The following PLCD1 variants were observed in gnomAD, a reference collection of about 807,000 sequenced individuals.
The protein encoded by PLCD1 is phospholipase C delta 1, also known as 1-phosphatidylinositol 4,5-bisphosphate phosphodiesterase delta-1.
PLCD1 carries 71 observed loss-of-function variants against 87.4 expected under a neutral mutation model. That is an observed-to-expected ratio of 0.81 (90% CI 0.67 to 0.99). The LOEUF is 0.99. PLCD1 is among the 50% of genes least tolerant of loss of function. PLCD1 has a pLI of 0.00. For missense variants in PLCD1, 867 were observed against 1,001.5 expected, an observed-to-expected ratio of 0.87 and a Z score of 1.81; for synonymous variants, 348 against 399.2, an observed-to-expected ratio of 0.87 and a Z score of 1.53.
In PLCD1 at chr3:38,009,794, G is replaced by C; in HGVS notation, c.1305C>G (p.Ile435Met). The C allele has an allele frequency of 6.2e-7, 1 of 1,613,978 alleles. No homozygotes were observed. Among genetic ancestry groups the C allele is most frequent in the South Asian group, 1.1e-5 (1 of 91,082 alleles). ...LPSPEQLKGK[I>M]LLKGKKLGGL... ...CCCCGAGCTTCTTCCCCTTCAGCAG[G>C]ATCTTCCCCTTCAGTTGCTAGGTGG... Residue 435 changes from isoleucine (I) to methionine (M), a missense_variant, in exon 9 of 15, where the codon ATC becomes ATG. Physicochemically the swap from Ile to Met is conservative, Grantham distance 10. Coordinates refer to ENST00000334661, the MANE Select transcript of PLCD1 (RefSeq NM_006225.4).
At chr3:38,009,487 T>C (rs1202295471) in intron 9 of PLCD1, 56 bp from the exon 10 acceptor site, 6 of 1,601,340 alleles carry the variant, frequency 3.7e-6, no homozygotes, top group Middle Eastern at 1.7e-4. Flanking sequence ...GGGTAGGCAC[T>C]GAGAAAGCCA....
At chr3:38,014,531 A>G (rs1267269855) in intron 3 of PLCD1, 1 of 153,770 alleles carries the variant, frequency 6.5e-6, no homozygotes, top group African/African-American at 2.4e-5. Flanking sequence ...ACACTTCATC[A>G]AAACCAAAAA....
rs1037035579 is a variant in PLCD1, at chr3:38,012,715, G to C, written c.429-1042C>G. 4.0e-5 allele frequency among the ~76,000 whole-genome samples: 6 copies of C among 151,832 alleles called. No homozygotes were observed. In the East Asian group the frequency reaches 1.2e-3, roughly 29 times the overall value. On this transcript the variant is annotated intron_variant, in intron 3 of 14. Transcript: ENST00000334661. The stretch of plus-strand genomic sequence containing the variant: ...TATTTTTAGTTGAGACGGGGTTTCA[G>C]CATGTTGGCTATGCTGGTCTTGAAC...
chr3:38,027,288 T>C (rs1700319915), intron 1 of PLCD1, among the ~76,000 whole-genome samples: 2 of 152,152 alleles, frequency 1.3e-5, no homozygotes, highest in Admixed American at 1.3e-4. Flanking sequence ...TCATAGGGCA[T>C]AGAAATTTGG....
intron 2 of PLCD1, 35 bp from the exon 3 acceptor site, chr3:38,016,754 G>A (rs1022232208): frequency 8.3e-6 from 12 of 1,441,962 alleles, no homozygotes; most frequent in Non-Finnish European, 1.1e-5. Flanking sequence ...GAGAGGGAGA[G>A]AATGCTGTGA....
At chr3:38,013,208 CTTT>C (rs869279889) in intron 3 of PLCD1, among the ~76,000 whole-genome samples, 11 of 118,496 alleles carry the variant, frequency 9.3e-5, no homozygotes, top group Non-Finnish European at 1.4e-4. Flanking sequence ...TTTTAATTTT[CTTT>C]TTTTTTTTTT....
rs1317751187 is a variant in PLCD1, at chr3:38,024,655, T to C, written c.35-4303A>G. ...GAGAGGGAAATCTGGGCTGAGGGGG[T>C]AGTCAGACGCTAGGAGGCGGAGCTA... On this transcript the variant is annotated intron_variant, in intron 1 of 14. Coordinates refer to ENST00000334661, the MANE Select transcript of PLCD1 (RefSeq NM_006225.4). The C allele has an allele frequency of 3.3e-6, 5 of 1,512,120 alleles. No homozygotes were observed. In the African/African-American group the frequency reaches 5.6e-5, roughly 17 times the overall value. The allele number at this position is 1,512,120 out of a possible 1,614,324, so 93.7% of individuals were successfully genotyped here.
chr3:38,008,429 G>A lies in PLCD1; in HGVS notation c.1902+29C>T, dbSNP rs368331082. ...TGGTAGCGGGGAAGGGAGGTCCGTGGGCACCTGTCCCTCCTAGGTCCAGCG... is the reference window on the plus strand; with the variant it reads ...TGGTAGCGGGGAAGGGAGGTCCGTGAGCACCTGTCCCTCCTAGGTCCAGCG... On this transcript the variant is annotated intron_variant, in intron 12 of 14. Coordinates refer to ENST00000334661, the MANE Select transcript of PLCD1 (RefSeq NM_006225.4). 10 of 1,613,954 alleles carry A rather than the reference G, an allele frequency of 6.2e-6. No individual in the cohort carries two copies. In the African/African-American group the frequency reaches 1.2e-4, roughly 19 times the overall value.
Position 38,009,041 on chromosome 3 carries a change from C to T in PLCD1, c.1723+1G>A, listed in dbSNP as rs4679014. On this transcript the variant is annotated splice_donor_variant, in intron 11 of 14. Coordinates refer to ENST00000334661, the MANE Select transcript of PLCD1 (RefSeq NM_006225.4). LOFTEE classifies it high-confidence loss of function. ...CTCCTCCAGCCCCAGCCAGCCCATACCGATCTGGCAGCCCCCATTCCACAT... is the reference window on the plus strand; with the variant it reads ...CTCCTCCAGCCCCAGCCAGCCCATATCGATCTGGCAGCCCCCATTCCACAT... 7 of 1,608,196 alleles carry T rather than the reference C, an allele frequency of 4.4e-6. No homozygotes were observed. The highest frequency in any genetic ancestry group is 5.1e-6 in the Non-Finnish European group (6 of 1,175,792).
intron 1 of PLCD1, chr3:38,024,187 A>C (rs878938738): frequency 4.4e-6 from 3 of 687,282 alleles, no homozygotes; most frequent in South Asian, 3.7e-5. Context: ...ACACTGCCCC[A>C]CAGTGGGCCA....
chr3:38,011,689 G>A lies in PLCD1; in HGVS notation c.429-16C>T. 1 of 1,614,060 alleles carries A rather than the reference G, an allele frequency of 6.2e-7. No individual in the cohort carries two copies. Among genetic ancestry groups the A allele is most frequent in the Non-Finnish European group, 8.5e-7 (1 of 1,179,968 alleles). ...GTGAATCCAGCTGGGCAAGAAGTAA[G>A]GAAAGAACCCAGGAACCCTGGAACC... On this transcript the variant is annotated splice_polypyrimidine_tract_variant and intron_variant, in intron 3 of 14. Transcript: ENST00000334661.
chr3:38,012,947 A>C (rs527382083), intron 3 of PLCD1, among the ~76,000 whole-genome samples: 99 of 152,280 alleles, frequency 6.5e-4, no homozygotes, highest in African/African-American at 2.3e-3. Flanking sequence ...TCTGTTGCCC[A>C]GGCTTGAGTG....
intron 3 of PLCD1, among the ~76,000 whole-genome samples, chr3:38,013,794 T>C (rs986605683): frequency 6.6e-6 from 1 of 152,212 alleles, no homozygotes; most frequent in African/African-American, 2.4e-5. Flanking sequence ...TGCCATAGAA[T>C]TGGGCTTTTT....
At chr3:38,015,487 A>G (rs957752566) in intron 3 of PLCD1, among the ~76,000 whole-genome samples, 1 of 152,214 alleles carries the variant, frequency 6.6e-6, no homozygotes, top group African/African-American at 2.4e-5. Flanking sequence ...GGGTGATGGA[A>G]ATGTGCTAAA....
chr3:38,009,989 A>G lies in PLCD1; in HGVS notation c.1202T>C (p.Met401Thr), dbSNP rs752099937. The change falls in exon 8 of 15, where the codon ATG becomes ACG. Residue 401 changes from methionine to threonine, a missense_variant. By Grantham distance (81) the Met-to-Thr change is moderately conservative. Coordinates refer to ENST00000334661, the MANE Select transcript of PLCD1 (RefSeq NM_006225.4). ...CAGGATGGCATGCAGGTGCCGCGCC[A>G]TCACGCGCTGCTGCTCCAGTGTGCA... ...NHCTLEQQRV[M>T]ARHLHAILGP... The G allele has an allele frequency of 2.0e-5, 32 of 1,614,062 alleles. No homozygotes were observed. Among genetic ancestry groups the G allele is most frequent in the Non-Finnish European group, 2.5e-5 (30 of 1,179,932 alleles).
chr3:38,010,453 C>T lies in PLCD1; in HGVS notation c.900G>A (p.Gln300=), dbSNP rs912112979. 8 of 1,614,182 alleles carry T rather than the reference C, an allele frequency of 5.0e-6. No homozygotes were observed. The highest frequency in any genetic ancestry group is 5.1e-6 in the Non-Finnish European group (6 of 1,180,008). The change falls in exon 6 of 15, where the codon CAG becomes CAA. Residue 300 remains glutamine, a synonymous_variant. Coordinates refer to ENST00000334661, the MANE Select transcript of PLCD1 (RefSeq NM_006225.4). Reference sequence around the variant, plus strand: ...AGGACACCAGGTAGTGGCTAAGTGGCTGGCCCATGTCCTGGTAGACACGGC... The same window carrying T: ...AGGACACCAGGTAGTGGCTAAGTGGTTGGCCCATGTCCTGGTAGACACGGC... ...AHRRVYQDMG[Q]PLSHYLVSSS...
chr3:38,029,482 C>T (rs1188621109), intron 1 of PLCD1, 24 bp downstream of exon 1: 5 of 1,537,770 alleles, frequency 3.3e-6, no homozygotes, highest in African/African-American at 1.4e-5. Flanking sequence ...CAGGGTCTCC[C>T]GCTCGCGCGG....
At position 38,009,524 on chromosome 3, in the gene PLCD1, G is replaced by A. The variant is rs538198718; in HGVS notation, c.1447-93C>T. 5 of 1,555,240 alleles carry A rather than the reference G, an allele frequency of 3.2e-6. No individual in the cohort carries two copies. The East Asian group carries it at 1.1e-4, about 35-fold the overall frequency. ...AAACCCAGGCGCAGAGAGACAGAGG[G>A]AGACAGACAGAGAGAGCGGGGCAGA... On this transcript the variant is annotated intron_variant, in intron 9 of 14. Transcript: ENST00000334661.
chr3:38,009,985 C>T lies in PLCD1; in HGVS notation c.1206G>A (p.Ala402=), dbSNP rs114106596. Residue 402 remains alanine, a synonymous_variant, in exon 8 of 15, where the codon GCG becomes GCA. Transcript: ENST00000334661. ...GGCCCAGGATGGCATGCAGGTGCCGCGCCATCACGCGCTGCTGCTCCAGTG... is the reference window on the plus strand; with the variant it reads ...GGCCCAGGATGGCATGCAGGTGCCGTGCCATCACGCGCTGCTGCTCCAGTG... ...HCTLEQQRVM[A]RHLHAILGPM... is the part of the protein sequence containing the mutation. The T allele has an allele frequency of 3.9e-5, 63 of 1,613,852 alleles. No homozygotes were observed. The East Asian group carries it at 4.2e-4, about 11-fold the overall frequency.
Sources: allele counts gnomAD v4.1 joint callset (sites outside exome capture counted in the v4.1 genomes callset), GRCh38; gene constraint gnomAD v4.1.1; transcripts MANE v1.5; gene names NCBI Gene and HGNC (gene_info 2026-07-23, HGNC 2026-07-21).